Variants in NPFFR2 observed in about 807,000 individuals in gnomAD.
The protein encoded by NPFFR2 is G-protein coupled receptor 74.
In NPFFR2, 15 loss-of-function variants were observed where a neutral mutation model predicts 13.1. The observed-to-expected ratio is 1.15, with a 90% confidence interval of 0.77 to 1.76. The LOEUF (loss-of-function observed/expected upper bound fraction) is 1.76, where lower values mean the gene tolerates loss of function less well. NPFFR2 is among the 40% of genes most tolerant of loss of function. NPFFR2 has a pLI of 0.00. For missense variants in NPFFR2, 572 were observed against 503.5 expected (o/e 1.14, Z -1.30); for synonymous variants, 190 against 175.7 (o/e 1.08, Z -0.65).
intron 3 of NPFFR2, among the ~76,000 whole-genome samples, chr4:72,145,443 A>C (rs984992512): frequency 4.0e-4 from 60 of 151,806 alleles, no homozygotes; most frequent in African/African-American, 1.3e-3. Context: ...CTCCTATATA[A>C]ATATATGTAC....
chr4:72,076,095 G>C, intron 1 of NPFFR2, among the ~76,000 whole-genome samples: 1 of 151,390 alleles, frequency 6.6e-6, no homozygotes, highest in East Asian at 2.0e-4. Flanking sequence ...GACCGGTAAG[G>C]CTAGACGGCA....
At chr4:72,037,789 C>CT (rs1198604982) in intron 1 of NPFFR2, among the ~76,000 whole-genome samples, 1 of 152,142 alleles carries the variant, frequency 6.6e-6, no homozygotes, top group Non-Finnish European at 1.5e-5. Context: ...TGTTCCTGCT[C>CT]TTTTTTCAGC....
At chr4:72,040,741 G>A (rs983751987) in intron 1 of NPFFR2, among the ~76,000 whole-genome samples, 3 of 151,804 alleles carry the variant, frequency 2.0e-5, no homozygotes, top group Non-Finnish European at 4.4e-5. Flanking sequence ...AAATTGATAT[G>A]TTAATTTGGG....
intron 1 of NPFFR2, among the ~76,000 whole-genome samples, chr4:72,070,443 T>C (rs1422219342): frequency 6.6e-6 from 1 of 152,004 alleles, no homozygotes; most frequent in African/African-American, 2.4e-5. Context: ...CATACATTTT[T>C]TTAAGAAAAT....
intron 1 of NPFFR2, among the ~76,000 whole-genome samples, chr4:72,047,514 A>G (rs1183386638): frequency 1.3e-5 from 2 of 152,062 alleles, no homozygotes; most frequent in African/African-American, 2.4e-5. Flanking sequence ...CCCTTTTCCA[A>G]GTGGGCATGC....
intron 1 of NPFFR2, among the ~76,000 whole-genome samples, chr4:72,121,945 A>G (rs1364912757): frequency 6.6e-6 from 1 of 152,160 alleles, no homozygotes; most frequent in East Asian, 1.9e-4. Context: ...CAAGTAAAAG[A>G]CACACACTGG....
rs752579446 is a variant in NPFFR2, at chr4:72,138,149, C to T, written c.428+10C>T. 23 of 1,595,696 alleles carry T rather than the reference C, an allele frequency of 1.4e-5. No homozygotes were observed. Among genetic ancestry groups the T allele is most frequent in the Non-Finnish European group, 1.8e-5 (21 of 1,165,036 alleles). Reference sequence around the variant, plus strand: ...CAATTGCTGTAGATAGGTAAGTCTGCACCAAACTCTGAATCCAGAAAAATT... The same window carrying T: ...CAATTGCTGTAGATAGGTAAGTCTGTACCAAACTCTGAATCCAGAAAAATT... On this transcript the variant is annotated intron_variant, in intron 3 of 3. Transcript: ENST00000308744.
At position 72,139,161 on chromosome 4, in the gene NPFFR2, C is replaced by G. The variant is rs1057475829; in HGVS notation, c.428+1022C>G. Among the ~76,000 whole-genome samples, 3 of 151,938 alleles carry G rather than the reference C, an allele frequency of 2.0e-5. No individual in the cohort carries two copies. The South Asian group carries it at 6.2e-4, about 32-fold the overall frequency. ...TCTTTGTAGATTCTGGATATTAGCCCTTTGTCAGAAGGGTAGATTGCAAAA... is the reference window on the plus strand; with the variant it reads ...TCTTTGTAGATTCTGGATATTAGCCGTTTGTCAGAAGGGTAGATTGCAAAA... On this transcript the variant is annotated intron_variant, in intron 3 of 3. Transcript: ENST00000308744.
At chr4:72,088,839 T>C (rs1001058321) in intron 1 of NPFFR2, among the ~76,000 whole-genome samples, 2 of 152,024 alleles carry the variant, frequency 1.3e-5, no homozygotes, top group Non-Finnish European at 2.9e-5. Flanking sequence ...CAATTCTTTT[T>C]TTTTTCAATA....
Position 72,147,041 on chromosome 4 carries a change from T to A in NPFFR2, c.492T>A (p.Ile164=), listed in dbSNP as rs778837285. 24 of 1,614,036 alleles carry A rather than the reference T, an allele frequency of 1.5e-5. 1 individual carries two copies. In the South Asian group the frequency reaches 2.6e-4, roughly 18 times the overall value. ...KLTIKTAFVI[I]MIIWVLAITI... ...CTATCAAGACAGCGTTTGTCATTAT[T>A]ATGATCATCTGGGTCCTAGCCATCA... Residue 164 remains isoleucine, a synonymous_variant, in exon 4 of 4, where the codon ATT becomes ATA. Coordinates refer to ENST00000308744, the MANE Select transcript of NPFFR2 (RefSeq NM_004885.3).
intron 2 of NPFFR2, among the ~76,000 whole-genome samples, chr4:72,132,133 T>C (rs963027669): frequency 2.6e-5 from 4 of 151,978 alleles, no homozygotes; most frequent in Non-Finnish European, 5.9e-5. Flanking sequence ...CCCATTGGTT[T>C]TTTTTTTTTC....
intron 1 of NPFFR2, among the ~76,000 whole-genome samples, chr4:72,034,091 T>G (rs1216002753): frequency 6.6e-6 from 1 of 152,184 alleles, no homozygotes; most frequent in Non-Finnish European, 1.5e-5. Context: ...AAATAATAAT[T>G]TTGTAAAATA....
intron 1 of NPFFR2, among the ~76,000 whole-genome samples, chr4:72,089,589 T>C (rs187749132): frequency 1.4e-4 from 22 of 152,330 alleles, no homozygotes; most frequent in African/African-American, 4.3e-4. Context: ...ATGTTGAGCA[T>C]TTTTTCATTT....
intron 1 of NPFFR2, among the ~76,000 whole-genome samples, chr4:72,051,885 G>C (rs1719595199): frequency 6.6e-6 from 1 of 150,400 alleles, no homozygotes; most frequent in African/African-American, 2.4e-5. Flanking sequence ...AAATAAACTA[G>C]AAAATCTAGA....
intron 1 of NPFFR2, among the ~76,000 whole-genome samples, chr4:72,101,120 C>G (rs149699524): frequency 2.0e-5 from 3 of 151,938 alleles, no homozygotes; most frequent in African/African-American, 7.2e-5. Flanking sequence ...AATAAAATTA[C>G]GTTAAGAAAC....
rs139870462 is a variant in NPFFR2, at chr4:72,065,325, G to A, written c.-8+33125G>A. Among the ~76,000 whole-genome samples, 856 of 152,132 alleles carry A rather than the reference G, an allele frequency of 5.6e-3. 4 individuals carry two copies. The highest frequency in any genetic ancestry group is 1.0e-2 in the Non-Finnish European group (678 of 67,988). ...AAAAATCAGAGACCAAAAGGAATGCGATGGAAATAATGAATGCAAATATGT... is the reference window on the plus strand; with the variant it reads ...AAAAATCAGAGACCAAAAGGAATGCAATGGAAATAATGAATGCAAATATGT... On this transcript the variant is annotated intron_variant, in intron 1 of 3. Coordinates refer to ENST00000308744, the MANE Select transcript of NPFFR2 (RefSeq NM_004885.3).
intron 2 of NPFFR2, among the ~76,000 whole-genome samples, chr4:72,129,172 C>T (rs1245907475): frequency 2.0e-5 from 3 of 152,056 alleles, no homozygotes; most frequent in Non-Finnish European, 4.4e-5. Context: ...GTGGAGGCTG[C>T]TATTTTTATA....
At chr4:72,094,497 C>T (rs1446929055) in intron 1 of NPFFR2, among the ~76,000 whole-genome samples, 1 of 152,154 alleles carries the variant, frequency 6.6e-6, no homozygotes, top group Non-Finnish European at 1.5e-5. Context: ...GGAGCTCAGA[C>T]TCTCCTTGAG....
intron 1 of NPFFR2, among the ~76,000 whole-genome samples, chr4:72,043,502 G>A (rs1031650186): frequency 6.6e-6 from 1 of 152,250 alleles, no homozygotes; most frequent in African/African-American, 2.4e-5. Context: ...CAGGGGTGGA[G>A]CTTGCCAAGG....
Sources: allele counts gnomAD v4.1 joint callset (sites outside exome capture counted in the v4.1 genomes callset), GRCh38; gene constraint gnomAD v4.1.1; transcripts MANE v1.5; gene names NCBI Gene and HGNC (gene_info 2026-07-23, HGNC 2026-07-21).